The following CPLANE1 variants were observed in gnomAD, a reference collection of about 807,000 sequenced individuals.
The protein encoded by CPLANE1 is ciliogenesis and planar polarity effector complex subunit 1.
In CPLANE1, 263 loss-of-function variants were observed where a neutral mutation model predicts 362.5. That is an observed-to-expected ratio of 0.73 (90% CI 0.66 to 0.80). CPLANE1 has a LOEUF of 0.80. Among genes scored for constraint, CPLANE1 ranks in the 30% least tolerant of loss-of-function variants. The pLI, the probability that CPLANE1 is intolerant of heterozygous loss-of-function variation, is 0.00. For missense variants in CPLANE1, 3,461 were observed against 3,793.4 expected, an observed-to-expected ratio of 0.91 and a Z score of 2.30; for synonymous variants, 1,212 against 1,302.6, an observed-to-expected ratio of 0.93 and a Z score of 1.50.
At chr5:37,130,239 G>A (rs892035250) in intron 46 of CPLANE1, among the ~76,000 whole-genome samples, 3 of 152,178 alleles carry the variant, frequency 2.0e-5, no homozygotes, top group Admixed American at 2.0e-4. Context: ...TTGGGAGAAA[G>A]GGTGGGAGGT....
At position 37,153,993 on chromosome 5, in the gene CPLANE1, C is replaced by G. The variant is rs1774300118; in HGVS notation, c.8120G>C (p.Gly2707Ala). The G allele has an allele frequency of 6.3e-7, 1 of 1,595,720 alleles. No individual in the cohort carries two copies. The highest frequency in any genetic ancestry group is 1.3e-5 in the African/African-American group (1 of 74,228). Reference sequence around the variant, plus strand: ...GAATCGGAACTCTGGTTTTGGCAGACCTAAATATTAATAAGAATAAAAGCA... The same window carrying G: ...GAATCGGAACTCTGGTTTTGGCAGAGCTAAATATTAATAAGAATAAAAGCA... ...PTPSDIQQNK[G>A]LPKPEFRFKG... The change falls in exon 42 of 53, where the codon GGT (glycine) becomes GCT (alanine). Residue 2707 changes from glycine (G) to alanine (A), a missense_variant and splice_region_variant. Around this residue, in one of 2 missense-constraint regions of CPLANE1, gnomAD observed 3,380 missense variants for 3,666.1 expected, o/e 0.92. Transcript: ENST00000651892.
chr5:37,157,695 A>T lies in CPLANE1; in HGVS notation c.7986T>A (p.Val2662=), dbSNP rs376985165. 3.1e-6 allele frequency: 5 copies of T among 1,613,678 alleles called. No homozygotes were observed. The highest frequency in any genetic ancestry group is 4.2e-6 in the Non-Finnish European group (5 of 1,179,790). The part of the protein sequence containing the change: ...HYMAASVTNA[V]PPHNFKSQEV... The stretch of plus-strand genomic sequence containing the variant: ...CTTGACTCTTAAAATTATGTGGGGG[A>T]ACAGCATTAGTAACTGAAGCTGCCA... Residue 2662 remains valine (V), a synonymous_variant, in exon 40 of 53, where the codon GTT becomes GTA. Transcript: ENST00000651892.
At chr5:37,133,591 A>G (rs1033732278) in intron 46 of CPLANE1, among the ~76,000 whole-genome samples, 3 of 152,004 alleles carry the variant, frequency 2.0e-5, no homozygotes, top group Non-Finnish European at 2.9e-5. Context: ...TTATTGGTGC[A>G]TAGAAATGCT....
Position 37,206,345 on chromosome 5 carries a change from T to C in CPLANE1, c.3001A>G (p.Thr1001Ala), listed in dbSNP as rs772005320. ...VRDQNLSNVW[T>A]VEYALELLFI... The stretch of plus-strand genomic sequence containing the variant: ...AGTAATTCAAGTGCATATTCAACTG[T>C]CCACACATTAGAGAGATTCTGATCT... Residue 1001 changes from threonine (T) to alanine (A), a missense_variant, in exon 17 of 53, where the codon ACA becomes GCA. Thr to Ala is a moderately conservative substitution (Grantham distance 58). Around this residue, in one of 2 missense-constraint regions of CPLANE1, gnomAD observed 3,380 missense variants for 3,666.1 expected, o/e 0.92. Coordinates refer to ENST00000651892, the MANE Select transcript of CPLANE1 (RefSeq NM_001384732.1). 10 of 1,551,536 alleles carry C rather than the reference T, an allele frequency of 6.4e-6. No individual in the cohort carries two copies. The highest frequency in any genetic ancestry group is 1.4e-5 in the African/African-American group (1 of 73,058).
chr5:37,091,775 T>C, the CPLANE1 span, among the ~76,000 whole-genome samples: 8 of 152,152 alleles, frequency 5.3e-5, no homozygotes, highest in African/African-American at 1.9e-4. Flanking sequence ...TCAGGTCCTC[T>C]TTGAATTCCA....
At position 37,213,468 on chromosome 5, in the gene CPLANE1, CATT is replaced by C. The variant is rs1404649099; in HGVS notation, c.2920+88_2920+90del. ...TTCAGATACTATGCTAGAACAGTAT[CATT>C]GAGTAATGGCCTCTGTATAATATGT... On this transcript the variant is annotated intron_variant, in intron 16 of 52. Transcript: ENST00000651892. 8.8e-6 allele frequency: 7 copies of C among 791,780 alleles called. No individual in the cohort carries two copies. The African/African-American group carries it at 1.2e-4, about 14-fold the overall frequency. 49.0% of individuals were successfully genotyped at this position (791,780 alleles called of 1,614,324 possible).
At chr5:37,167,544 C>T (rs1292417939) in intron 34 of CPLANE1, among the ~76,000 whole-genome samples, 6 of 152,068 alleles carry the variant, frequency 3.9e-5, no homozygotes, top group African/African-American at 9.7e-5. Context: ...TTTGGGAGGT[C>T]GAGACGGGCT....
chr5:37,205,353 G>A lies in CPLANE1; in HGVS notation c.3251C>T (p.Ala1084Val). 1 of 1,549,390 alleles carries A rather than the reference G, an allele frequency of 6.5e-7. No homozygotes were observed. Among genetic ancestry groups the A allele is most frequent in the Non-Finnish European group, 8.7e-7 (1 of 1,146,130 alleles). Residue 1084 changes from alanine (A) to valine (V), a missense_variant, in exon 18 of 53, where the codon GCA (alanine) becomes GTA (valine). By Grantham distance (64) the Ala-to-Val change is moderately conservative (BLOSUM62 0). This residue lies in a region of CPLANE1 where 3,380 missense variants were observed against 3,666.1 expected (regional missense o/e 0.92). Coordinates refer to ENST00000651892, the MANE Select transcript of CPLANE1 (RefSeq NM_001384732.1). ...ATATTTTGAGCCCATTTCATTTTTT[G>A]CTTCCAAAGAGGCTGGTTGACCTAA... is the stretch of plus-strand genomic sequence containing the variant. ...CVLGQPASLE[A>V]KNEMGSKYKQ... is the part of the protein sequence containing the mutation.
In CPLANE1 at chr5:37,167,081, G is replaced by A. The variant is rs370647204; in HGVS notation, c.7366C>T (p.Pro2456Ser). 3.6e-5 allele frequency: 58 copies of A among 1,612,034 alleles called. No homozygotes were observed. Among genetic ancestry groups the A allele is most frequent in the Middle Eastern group, 1.6e-4 (1 of 6,074 alleles). Residue 2456 changes from proline to serine, a missense_variant, in exon 35 of 53, where the codon CCT becomes TCT. By Grantham distance (74) the Pro-to-Ser change is moderately conservative. This residue lies in a region of CPLANE1 where 3,380 missense variants were observed against 3,666.1 expected (regional missense o/e 0.92). Coordinates refer to ENST00000651892, the MANE Select transcript of CPLANE1 (RefSeq NM_001384732.1). The stretch of plus-strand genomic sequence containing the variant: ...CTGTCCTTTCCTTGTCTTACTTCAG[G>A]TGGTTCTATTTTGACCTTTAGAAGT... ...LQLLKVKIEP[P>S]EVRQGKDSKK...
intron 42 of CPLANE1, among the ~76,000 whole-genome samples, chr5:37,151,459 G>C (rs989687390): frequency 6.6e-6 from 1 of 152,128 alleles, no homozygotes; most frequent in Non-Finnish European, 1.5e-5. Context: ...CTTGAGAGTA[G>C]GTACTATGCC....
At chr5:37,171,753 T>C (rs905947218) in intron 32 of CPLANE1, among the ~76,000 whole-genome samples, 4 of 146,918 alleles carry the variant, frequency 2.7e-5, no homozygotes, top group Admixed American at 2.7e-4. Flanking sequence ...TTACTCTCTC[T>C]CTCTCTCTCT....
intron 21 of CPLANE1, among the ~76,000 whole-genome samples, chr5:37,193,429 C>A (rs1229799140): frequency 2.6e-5 from 4 of 152,004 alleles, no homozygotes; most frequent in African/African-American, 2.4e-5. Context: ...CTGAGGCAGG[C>A]GGATTACCTG....
the CPLANE1 span, among the ~76,000 whole-genome samples, chr5:37,081,543 G>A: frequency 6.6e-6 from 1 of 151,792 alleles, no homozygotes; most frequent in Admixed American, 6.6e-5. Flanking sequence ...GGCTGGTCTC[G>A]AACTCCTGAC....
At position 37,156,910 on chromosome 5, in the gene CPLANE1, C is replaced by T. The variant is rs549630455; in HGVS notation, c.8119+403G>A. Reference sequence around the variant, plus strand: ...TCATGCAATATACCTATGTAACAAACTTGTACATGTGTCCCGAATTTGAAA... The same window carrying T: ...TCATGCAATATACCTATGTAACAAATTTGTACATGTGTCCCGAATTTGAAA... On this transcript the variant is annotated intron_variant, in intron 41 of 52. Coordinates refer to ENST00000651892, the MANE Select transcript of CPLANE1 (RefSeq NM_001384732.1). Among the ~76,000 whole-genome samples the T allele has an allele frequency of 3.4e-4, 52 of 152,250 alleles. 1 individual carries two copies. In the South Asian group the frequency reaches 0.011, roughly 32 times the overall value.
rs768663702 is a variant in CPLANE1 at position 37,184,791 on chromosome 5, T to A, written c.4478A>T (p.Gln1493Leu). Residue 1493 changes from glutamine to leucine, a missense_variant, in exon 25 of 53, where the codon CAA becomes CTA. Physicochemically the swap from Gln to Leu is moderately radical, Grantham distance 113. Around this residue, in one of 2 missense-constraint regions of CPLANE1, gnomAD observed 3,380 missense variants for 3,666.1 expected, o/e 0.92. Transcript: ENST00000651892. ...VEEKSRINIY[Q>L]RNAPNHMELT... ...GATTAAAAGATCTCAATTGTACCTT[T>A]GATAGATATTTATCCTACTTTTTTC... 9 of 1,608,926 alleles carry A rather than the reference T, an allele frequency of 5.6e-6. No homozygotes were observed. Among genetic ancestry groups the A allele is most frequent in the Non-Finnish European group, 6.8e-6 (8 of 1,177,970 alleles).
chr5:37,105,993 G>C (rs1757575372), downstream of CPLANE1, among the ~76,000 whole-genome samples: 2 of 151,970 alleles, frequency 1.3e-5, no homozygotes, highest in Non-Finnish European at 2.9e-5. Context: ...ATGACTAATA[G>C]TCATTTTATT....
At chr5:37,210,794 T>C in intron 16 of CPLANE1, 3 of 1,188,364 alleles carry the variant, frequency 2.5e-6, no homozygotes, top group African/African-American at 1.5e-5. Flanking sequence ...AGCTGGCTCC[T>C]GAACTTGCGG....
intron 46 of CPLANE1, among the ~76,000 whole-genome samples, chr5:37,133,677 G>T (rs751517008): frequency 2.6e-5 from 4 of 152,066 alleles, no homozygotes; most frequent in African/African-American, 4.8e-5. Flanking sequence ...GCTTTTGGAG[G>T]AGTCTTTAGG....
At chr5:37,236,737 AC>A (rs1351230900) in intron 8 of CPLANE1, among the ~76,000 whole-genome samples, 1 of 151,780 alleles carries the variant, frequency 6.6e-6, no homozygotes, top group African/African-American at 2.4e-5. Flanking sequence ...AAAAAAAAAA[AC>A]CTCATTAAAA....
Sources: gnomAD v4.1 joint callset for allele counts (sites outside exome capture counted in the v4.1 genomes callset) on GRCh38, gnomAD v4.1.1 for gene constraint, gnomAD v4.1.1 regional missense constraint, MANE v1.5 for transcripts, NCBI Gene and HGNC (gene_info 2026-07-23, HGNC 2026-07-21) for gene names.